IFT172: variants seen among roughly 807,000 people sequenced by gnomAD.
IFT172 encodes the protein intraflagellar transport 172, also known as intraflagellar transport protein 172 homolog.
IFT172 carries 164 observed loss-of-function variants against 248.9 expected under a neutral mutation model. The ratio of observed to expected loss-of-function variants is 0.66; its 90% CI spans 0.58 to 0.75. The LOEUF is 0.75. Ranked by LOEUF, IFT172 falls within the 30% of genes least tolerant of loss-of-function variation. The pLI, the probability that IFT172 is intolerant of heterozygous loss-of-function variation, is 0.00. For missense variants in IFT172, 1,950 were observed against 2,192.4 expected, an observed-to-expected ratio of 0.89 and a Z score of 2.21; for synonymous variants, 729 against 791.6, an observed-to-expected ratio of 0.92 and a Z score of 1.33.
At position 27,459,939 on chromosome 2, in the gene IFT172, A is replaced by T. The variant is rs1421934818; in HGVS notation, c.2522-110T>A. 4 of 1,445,186 alleles carry T rather than the reference A, an allele frequency of 2.8e-6. No individual in the cohort carries two copies. In the East Asian group the frequency reaches 9.1e-5, roughly 33 times the overall value. 89.5% of individuals were successfully genotyped at this position (1,445,186 alleles called of 1,614,324 possible). A position where few individuals can be genotyped will look rare whatever the true frequency, so the allele number is the denominator to read the frequency against. On this transcript the variant is annotated intron_variant, in intron 23 of 47. Coordinates refer to ENST00000260570, the MANE Select transcript of IFT172 (RefSeq NM_015662.3). Reference sequence around the variant, plus strand: ...GAATAGGTAAGAAGGGGAGGAATGGAGGACTGGAGCCAGGCATCCTGAACA... The same window carrying T: ...GAATAGGTAAGAAGGGGAGGAATGGTGGACTGGAGCCAGGCATCCTGAACA...
In IFT172 at chr2:27,477,567, T is replaced by C. The variant is rs1668054397; in HGVS notation, c.1213A>G (p.Asn405Asp). Residue 405 changes from asparagine (N) to aspartate (D), a missense_variant, in exon 12 of 48, where the codon AAT (asparagine) becomes GAT (aspartate). This residue lies in a region of IFT172 where 1,166 missense variants were observed against 1,254.1 expected (regional missense o/e 0.93). Coordinates refer to ENST00000260570, the MANE Select transcript of IFT172 (RefSeq NM_015662.3). ...AATCAAGCTCTACTCACATTCTCAT[T>C]TTCAAAGAAATACTTCTCATTGCCA... ...SGGNEKYFFE[N>D]ENVCMIFNAG... 6.2e-7 allele frequency: 1 copy of C among 1,607,524 alleles called. No homozygotes were observed. Among genetic ancestry groups the C allele is most frequent in the Non-Finnish European group, 8.5e-7 (1 of 1,173,948 alleles).
Position 27,483,900 on chromosome 2 carries a change from A to T in IFT172, c.374T>A (p.Ile125Asn), listed in dbSNP as rs1668563720. The T allele has an allele frequency of 6.2e-7, 1 of 1,613,790 alleles. No homozygotes were observed. Among genetic ancestry groups the T allele is most frequent in the Admixed American group, 1.7e-5 (1 of 59,994 alleles). Residue 125 changes from isoleucine to asparagine, a missense_variant, in exon 5 of 48, where the codon ATC becomes AAC. Transcript: ENST00000260570. ...VTCLQWPAEY[I>N]IVFGLAEGKV... Reference sequence around the variant, plus strand: ...CCCTTCAGCCAGTCCAAAGACAATGATGTATTCTGCCGGCCATTGCAGACA... The same window carrying T: ...CCCTTCAGCCAGTCCAAAGACAATGTTGTATTCTGCCGGCCATTGCAGACA...
Position 27,483,527 on chromosome 2 carries a change from C to T in IFT172, c.482+53G>A, listed in dbSNP as rs898848794. 7.6e-6 allele frequency: 12 copies of T among 1,583,630 alleles called. No homozygotes were observed. The African/African-American group carries it at 1.1e-4, about 14-fold the overall frequency. ...TGGTCTTGCAGTCCAGACTTCCCCA[C>T]AGCATTTTCCTAACACTTCCAGACT... On this transcript the variant is annotated intron_variant, in intron 6 of 47. Transcript: ENST00000260570.
chr2:27,460,074 C>A (rs543165339), intron 23 of IFT172, among the ~76,000 whole-genome samples: 3 of 151,816 alleles, frequency 2.0e-5, no homozygotes, highest in Non-Finnish European at 2.9e-5. Context: ...AAGAAAAATT[C>A]TTCTGCCTTG....
rs773726175 is a variant in IFT172, at chr2:27,478,123, C to T, written c.1039G>A (p.Val347Met). The T allele has an allele frequency of 6.2e-7, 1 of 1,614,188 alleles. No homozygotes were observed. The highest frequency in any genetic ancestry group is 1.3e-5 in the African/African-American group (1 of 75,038). ...IVKNLSSGTRVVLKSHYGYEV... is the reference protein window; with the variant it reads ...IVKNLSSGTRMVLKSHYGYEV... ...TAGCCATAGTGTGACTTGAGCACCA[C>T]TCGGGTTCCTGATGACAGGTTCTTC... The change falls in exon 11 of 48, where the codon GTG becomes ATG. Residue 347 changes from valine (V) to methionine (M), a missense_variant. Transcript: ENST00000260570.
Position 27,461,398 on chromosome 2 carries a change from G to T in IFT172, c.2313C>A (p.Ser771Arg). The change falls in exon 22 of 48, where the codon AGC becomes AGA. Residue 771 changes from serine to arginine, a missense_variant. Ser to Arg is a moderately radical substitution (Grantham distance 110). Transcript: ENST00000260570. ...ESQGDGLAAISLYLKAGLPAK... is the reference protein window; with the variant it reads ...ESQGDGLAAIRLYLKAGLPAK... Reference sequence around the variant, plus strand: ...CAGGGAGCCCAGCTTTGAGGTAGAGGCTGATGGCTGCTAGCCCATCCCCTT... The same window carrying T: ...CAGGGAGCCCAGCTTTGAGGTAGAGTCTGATGGCTGCTAGCCCATCCCCTT... 2 of 1,614,200 alleles carry T rather than the reference G, an allele frequency of 1.2e-6. No homozygotes were observed. The highest frequency in any genetic ancestry group is 1.7e-6 in the Non-Finnish European group (2 of 1,180,028).
rs959229695 is a variant in IFT172 at position 27,445,273 on chromosome 2, T to C, written c.5068+23A>G. The C allele has an allele frequency of 6.9e-6, 11 of 1,600,836 alleles. No individual in the cohort carries two copies. The highest frequency in any genetic ancestry group is 8.5e-6 in the Non-Finnish European group (10 of 1,171,922). ...GCTGCTTTCTACCCACCACAGGATCTGGGGTGCTGTAGGCTTCTATACCTG... is the reference window on the plus strand; with the variant it reads ...GCTGCTTTCTACCCACCACAGGATCCGGGGTGCTGTAGGCTTCTATACCTG... On this transcript the variant is annotated intron_variant, in intron 46 of 47. Coordinates refer to ENST00000260570, the MANE Select transcript of IFT172 (RefSeq NM_015662.3). This position sits in a 1 kb window ranked among gnomAD's most constrained non-coding sequence, Gnocchi z 4.4.
chr2:27,454,710 T>C lies in IFT172; in HGVS notation c.3372-50A>G, dbSNP rs1666012373. On this transcript the variant is annotated intron_variant, in intron 30 of 47. Transcript: ENST00000260570. This position sits in a 1 kb window ranked among gnomAD's most constrained non-coding sequence, Gnocchi z 4.2. ...TTTTCTTGCTTCATGCTTCCCTTCA[T>C]AAAAGGAACAAGACAAAACAGAGAA... 1 of 1,495,816 alleles carries C rather than the reference T, an allele frequency of 6.7e-7. No individual in the cohort carries two copies. Among genetic ancestry groups the C allele is most frequent in the African/African-American group, 1.4e-5 (1 of 72,516 alleles). 92.7% of individuals were successfully genotyped at this position (1,495,816 alleles called of 1,614,324 possible). A position where few individuals can be genotyped will look rare whatever the true frequency, so the allele number is the denominator to read the frequency against.
intron 16 of IFT172, among the ~76,000 whole-genome samples, chr2:27,466,372 C>G (rs2148517353): frequency 6.6e-6 from 1 of 152,262 alleles, no homozygotes; most frequent in South Asian, 2.1e-4. Flanking sequence ...TACAGTTGTC[C>G]TGAAAGCAAA....
At chr2:27,457,394 A>T (rs1466955392) in intron 29 of IFT172, among the ~76,000 whole-genome samples, 1 of 152,116 alleles carries the variant, frequency 6.6e-6, no homozygotes, top group Non-Finnish European at 1.5e-5. Context: ...ACATGGTGAA[A>T]ACTTGTCTCT....
chr2:27,484,410 T>G lies in IFT172; in HGVS notation c.297-144A>C, dbSNP rs1668599678. 6.8e-6 allele frequency: 5 copies of G among 735,986 alleles called. No homozygotes were observed. In the Admixed American group the frequency reaches 7.3e-5, roughly 11 times the overall value. 45.6% of individuals were successfully genotyped at this position (735,986 alleles called of 1,614,324 possible). On this transcript the variant is annotated intron_variant, in intron 3 of 47. Transcript: ENST00000260570. The stretch of plus-strand genomic sequence containing the variant: ...ATCGAGACCATCCTGGCTAACACAG[T>G]GAAACCCCGTCTCTACTAAAAATAC...
chr2:27,461,398 G>A lies in IFT172; in HGVS notation c.2313C>T (p.Ser771=). 6.2e-7 allele frequency: 1 copy of A among 1,614,200 alleles called. No individual in the cohort carries two copies. Among genetic ancestry groups the A allele is most frequent in the Non-Finnish European group, 8.5e-7 (1 of 1,180,028 alleles). The change falls in exon 22 of 48, where the codon AGC becomes AGT. Residue 771 remains serine, a synonymous_variant. Coordinates refer to ENST00000260570, the MANE Select transcript of IFT172 (RefSeq NM_015662.3). The part of the protein sequence containing the change: ...ESQGDGLAAI[S]LYLKAGLPAK... Reference sequence around the variant, plus strand: ...CAGGGAGCCCAGCTTTGAGGTAGAGGCTGATGGCTGCTAGCCCATCCCCTT... The same window carrying A: ...CAGGGAGCCCAGCTTTGAGGTAGAGACTGATGGCTGCTAGCCCATCCCCTT...
At chr2:27,483,730 G>T (rs956522515) in intron 5 of IFT172, 71 bp from the exon 6 acceptor site, 1 of 1,549,370 alleles carries the variant, frequency 6.5e-7, no homozygotes, top group Non-Finnish European at 8.9e-7. Context: ...AGAAAAAAAG[G>T]AAAAACTGTC....
intron 20 of IFT172, 47 bp downstream of exon 20, chr2:27,462,654 T>C: frequency 6.5e-7 from 1 of 1,540,500 alleles, no homozygotes; most frequent in Non-Finnish European, 9.0e-7. Context: ...TTTTCTCTCT[T>C]TTTCCCTCAT....
rs1664942409 is a variant in IFT172 at position 27,445,156 on chromosome 2, G to A, written c.5069-51C>T. The A allele has an allele frequency of 1.9e-6, 3 of 1,605,912 alleles. No individual in the cohort carries two copies. The highest frequency in any genetic ancestry group is 1.3e-5 in the African/African-American group (1 of 74,676). On this transcript the variant is annotated intron_variant, in intron 46 of 47. Coordinates refer to ENST00000260570, the MANE Select transcript of IFT172 (RefSeq NM_015662.3). The surrounding 1 kb of genome is among the most constrained non-coding windows in gnomAD (Gnocchi z 4.4). ...CTGGGGTTTGAGAGAGATTGAGGAG[G>A]GAAAAATGAGGAGCAGCCTGGGGGG...
intron 1 of IFT172, chr2:27,486,182 G>A (rs1184936355): frequency 1.2e-5 from 2 of 167,108 alleles, no homozygotes; most frequent in Non-Finnish European, 2.9e-5. Flanking sequence ...GAATAGACGG[G>A]GTAAGGCAGG....
At chr2:27,452,896 T>C (rs145939342) in intron 35 of IFT172, among the ~76,000 whole-genome samples, 10 of 152,362 alleles carry the variant, frequency 6.6e-5, no homozygotes, top group African/African-American at 2.2e-4. Flanking sequence ...TTGTGACACA[T>C]ACTGGCCTGG....
chr2:27,476,615 T>C, intron 14 of IFT172, 26 bp downstream of exon 14: 2 of 1,357,376 alleles, frequency 1.5e-6, no homozygotes, highest in Non-Finnish European at 2.1e-6. Flanking sequence ...ATTTTGTTAT[T>C]AAAATTATGA....
rs976552782 is a variant in IFT172, at chr2:27,480,144, C to T, written c.791G>A (p.Arg264Gln). ...SVVLGSYDRL[R>Q]VFNWIPRRSI... is the part of the protein sequence containing the mutation. ...TCTTCGAGGGATCCAGTTGAACACC[C>T]GAAGCCTGAAATAAAGTATGTGGCT... The change falls in exon 9 of 48, where the codon CGG (arginine) becomes CAG (glutamine). Residue 264 changes from arginine to glutamine, a missense_variant. By Grantham distance (43) the Arg-to-Gln change is conservative. Transcript: ENST00000260570. 11 of 1,613,132 alleles carry T rather than the reference C, an allele frequency of 6.8e-6. No homozygotes were observed. The highest frequency in any genetic ancestry group is 1.1e-5 in the South Asian group (1 of 91,008).
Sources: allele counts gnomAD v4.1 joint callset (sites outside exome capture counted in the v4.1 genomes callset), GRCh38; gene constraint gnomAD v4.1.1; regional missense constraint gnomAD v4.1.1; non-coding constraint Gnocchi (gnomAD v3.1); transcripts MANE v1.5; gene names NCBI Gene and HGNC (gene_info 2026-07-23, HGNC 2026-07-21).